The following AXDND1 variants were observed in gnomAD, a reference collection of about 807,000 sequenced individuals.
AXDND1 encodes axonemal dynein light chain domain containing 1, also known as axonemal dynein light chain domain-containing protein 1.
AXDND1 carries 110 observed loss-of-function variants against 137.5 expected under a neutral mutation model. The observed-to-expected ratio is 0.80, with a 90% CI of 0.69 to 0.94. The LOEUF is 0.94. AXDND1 is among the 40% of genes least tolerant of loss of function. The pLI is 0.00. For missense variants in AXDND1, 1,191 were observed against 1,169.8 expected (o/e 1.02, Z -0.26); for synonymous variants, 414 against 399.7 (o/e 1.04, Z -0.43).
chr1:179,523,382 A>G (rs1189679384), intron 21 of AXDND1, among the ~76,000 whole-genome samples: 1 of 152,198 alleles, frequency 6.6e-6, no homozygotes, highest in Non-Finnish European at 1.5e-5. Flanking sequence ...TTCTAAAAAT[A>G]ACAGCTTTAT....
intron 16 of AXDND1, chr1:179,448,165 C>T (rs951071943): frequency 1.4e-5 from 13 of 931,262 alleles, no homozygotes; most frequent in Admixed American, 1.0e-4. Context: ...TCTGAGCTGT[C>T]GCACCCTCTG....
At chr1:179,420,192 G>T (rs1655460136) in intron 12 of AXDND1, among the ~76,000 whole-genome samples, 1 of 152,186 alleles carries the variant, frequency 6.6e-6, no homozygotes, top group Non-Finnish European at 1.5e-5. Flanking sequence ...AGCTTCTATT[G>T]AAATGATGCT....
chr1:179,429,267 C>T (rs2125305196), intron 12 of AXDND1, among the ~76,000 whole-genome samples: 1 of 151,980 alleles, frequency 6.6e-6, no homozygotes, highest in African/African-American at 2.4e-5. Flanking sequence ...TATAAAGGGG[C>T]CTTGAGATAA....
chr1:179,477,635 T>A (rs1278686774), intron 17 of AXDND1, among the ~76,000 whole-genome samples: 1 of 152,076 alleles, frequency 6.6e-6, no homozygotes, highest in African/African-American at 2.4e-5. Flanking sequence ...AGCTACAATT[T>A]AAGATAAGAT....
intron 23 of AXDND1, among the ~76,000 whole-genome samples, chr1:179,531,214 C>T (rs1372365314): frequency 6.6e-6 from 1 of 152,074 alleles, no homozygotes; most frequent in Admixed American, 6.5e-5. Flanking sequence ...AGAGTGGCAC[C>T]ATCCTGTTGT....
chr1:179,463,092 T>C (rs1469998347), intron 16 of AXDND1, among the ~76,000 whole-genome samples: 1 of 152,256 alleles, frequency 6.6e-6, no homozygotes, highest in Non-Finnish European at 1.5e-5. Flanking sequence ...ATTTATTTTC[T>C]GAAGGGTTTT....
intron 17 of AXDND1, among the ~76,000 whole-genome samples, chr1:179,475,077 G>A (rs1276157237): frequency 6.6e-6 from 1 of 152,200 alleles, no homozygotes; most frequent in Non-Finnish European, 1.5e-5. Context: ...CAAGAATTGA[G>A]GTTTGGGAAC....
rs1331109572 is a variant in AXDND1 at position 179,532,874 on chromosome 1, G to A, written c.2716-921G>A. The A allele has an allele frequency of 2.0e-5, 3 of 151,052 alleles. No homozygotes were observed. The East Asian group carries it at 5.9e-4, about 30-fold the overall frequency. 9.4% of individuals were successfully genotyped at this position (151,052 alleles called of 1,614,324 possible). On this transcript the variant is annotated intron_variant, in intron 23 of 25. Coordinates refer to ENST00000367618, the MANE Select transcript of AXDND1 (RefSeq NM_144696.6). ...CACTGTAGCCTGGGTGACAGAGCAA[G>A]ATCCAGTCTCTATAAAAGAAAAAGA... is the stretch of plus-strand genomic sequence containing the variant.
chr1:179,382,984 A>G (rs1256408483), intron 7 of AXDND1, among the ~76,000 whole-genome samples: 2 of 152,134 alleles, frequency 1.3e-5, no homozygotes, highest in Non-Finnish European at 2.9e-5. Context: ...ATTTACATAT[A>G]TAGCATAATA....
chr1:179,479,474 T>C (rs1665060336), intron 17 of AXDND1, among the ~76,000 whole-genome samples: 1 of 20,330 alleles, frequency 4.9e-5, no homozygotes, highest in African/African-American at 1.8e-4. Context: ...AAACTCTGTC[T>C]CAAAAAAAAA....
At chr1:179,517,197 TCTGCTG>T (rs1558293881) in intron 21 of AXDND1, among the ~76,000 whole-genome samples, 3 of 152,128 alleles carry the variant, frequency 2.0e-5, no homozygotes, top group African/African-American at 7.2e-5. Context: ...TATGGCTGCC[TCTGCTG>T]AGTCATGCAG....
In AXDND1 at chr1:179,393,933, T is replaced by A; in HGVS notation, c.894T>A (p.Ile298=). 6.2e-7 allele frequency: 1 copy of A among 1,612,240 alleles called. No homozygotes were observed. ...GGTATGTGCAAATGCTTGACCAGATTGCTCGGCAGATGATTGATTTCTACA... is the reference window on the plus strand; with the variant it reads ...GGTATGTGCAAATGCTTGACCAGATAGCTCGGCAGATGATTGATTTCTACA... The part of the protein sequence containing the change: ...RERYVQMLDQ[I]ARQMIDFYKD... Residue 298 remains isoleucine (I), a synonymous_variant, in exon 10 of 26, where the codon ATT becomes ATA. Coordinates refer to ENST00000367618, the MANE Select transcript of AXDND1 (RefSeq NM_144696.6).
chr1:179,395,121 A>T lies in AXDND1; in HGVS notation c.1028A>T (p.His343Leu). 1 of 1,613,150 alleles carries T rather than the reference A, an allele frequency of 6.2e-7. No homozygotes were observed. Among genetic ancestry groups the T allele is most frequent in the Non-Finnish European group, 8.5e-7 (1 of 1,179,574 alleles). The change falls in exon 11 of 26, where the codon CAT becomes CTT. Residue 343 changes from histidine to leucine, a missense_variant. Transcript: ENST00000367618. ...AGGGAACTGTGTCTAGTTCGGGCAC[A>T]TGATGTGAAATTAACAAAGGAAACA... is the stretch of plus-strand genomic sequence containing the variant. ...LTRELCLVRA[H>L]DVKLTKETEK...
chr1:179,516,780 A>G (rs972334576), intron 21 of AXDND1, among the ~76,000 whole-genome samples: 4 of 152,180 alleles, frequency 2.6e-5, no homozygotes, highest in African/African-American at 9.7e-5. Context: ...GCTGGGGGTT[A>G]TCTGCACAGA....
In AXDND1 at chr1:179,411,350, T is replaced by C. The variant is rs1306617311; in HGVS notation, c.1230+84T>C. 1.9e-6 allele frequency: 3 copies of C among 1,543,642 alleles called. No individual in the cohort carries two copies. In the South Asian group the frequency reaches 3.6e-5, roughly 18 times the overall value. On this transcript the variant is annotated intron_variant, in intron 12 of 25. Coordinates refer to ENST00000367618, the MANE Select transcript of AXDND1 (RefSeq NM_144696.6). Reference sequence around the variant, plus strand: ...GTTTTAAAATTTGTTTTTTTTGTTTTGTTTTGTTTTGAAAGAGTCTTACTC... The same window carrying C: ...GTTTTAAAATTTGTTTTTTTTGTTTCGTTTTGTTTTGAAAGAGTCTTACTC...
chr1:179,431,480 GT>G (rs758774600), intron 14 of AXDND1, among the ~76,000 whole-genome samples: 4 of 137,206 alleles, frequency 2.9e-5, no homozygotes, highest in South Asian at 2.5e-4. Flanking sequence ...TTGTTTGTTT[GT>G]TTGTTGTTGT....
chr1:179,530,636 A>T (rs1179090906), intron 23 of AXDND1, among the ~76,000 whole-genome samples: 1 of 137,200 alleles, frequency 7.3e-6, no homozygotes, highest in Admixed American at 7.8e-5. Flanking sequence ...AACATGGACC[A>T]GTAAGTCCAT....
chr1:179,404,282 C>T (rs1652584208), intron 11 of AXDND1, among the ~76,000 whole-genome samples: 2 of 147,360 alleles, frequency 1.4e-5, no homozygotes, highest in Non-Finnish European at 3.0e-5. Flanking sequence ...AGTGCAGTGG[C>T]ACAATCTTGG....
chr1:179,466,282 CTTCT>C lies in AXDND1; in HGVS notation c.1799-2158_1799-2155del, dbSNP rs1357317945. Reference sequence around the variant, plus strand: ...TTTCTTTTCTTTCTTTCTTCTTCTTCTTCTTTTTTTTTTTTTTTTTTGAGATGGG... The same window carrying C: ...TTTCTTTTCTTTCTTTCTTCTTCTTCTTTTTTTTTTTTTTTTTGAGATGGG... On this transcript the variant is annotated intron_variant, in intron 16 of 25. Coordinates refer to ENST00000367618, the MANE Select transcript of AXDND1 (RefSeq NM_144696.6). Among the ~76,000 whole-genome samples, 354 of 95,654 alleles carry C rather than the reference CTTCT, an allele frequency of 3.7e-3. 2 individuals carry two copies. Among genetic ancestry groups the C allele is most frequent in the African/African-American group, 0.014 (317 of 22,746 alleles). 62.8% of individuals were successfully genotyped at this position (95,654 alleles called of 152,430 possible).
Sources: gnomAD v4.1 joint callset for allele counts (sites outside exome capture counted in the v4.1 genomes callset) on GRCh38, gnomAD v4.1.1 for gene constraint, MANE v1.5 for transcripts, NCBI Gene and HGNC (gene_info 2026-07-23, HGNC 2026-07-21) for gene names.